Variants in HAPLN1 observed in about 807,000 individuals in gnomAD.
The protein encoded by HAPLN1 is Cartilage link protein.
HAPLN1 carries 13 observed loss-of-function variants against 36.5 expected under a neutral mutation model. That is an observed-to-expected ratio of 0.36 (90% CI 0.23 to 0.57). HAPLN1 has a LOEUF of 0.57. Ranked by LOEUF, HAPLN1 falls within the 20% of genes least tolerant of loss-of-function variation. HAPLN1 has a pLI of 0.83. For missense variants in HAPLN1, 407 were observed against 439.7 expected (o/e 0.93, Z 0.66); for synonymous variants, 202 against 169.8 (o/e 1.19, Z -1.48).
At chr5:83,720,686 A>C (rs1045190979) in intron 1 of HAPLN1, 103 bp downstream of exon 1, 1 of 152,238 alleles carries the variant, frequency 6.6e-6, no homozygotes, top group Non-Finnish European at 1.5e-5. Flanking sequence ...GAAAAGAATA[A>C]AATTTGTTTA....
chr5:83,655,447 C>T (rs973455641), intron 2 of HAPLN1, among the ~76,000 whole-genome samples: 2 of 151,718 alleles, frequency 1.3e-5, no homozygotes, highest in African/African-American at 2.4e-5. Flanking sequence ...ATCCACTGAC[C>T]CTCACCCAAA....
rs1329595437 is a variant in HAPLN1 at position 83,639,651 on chromosome 5, T to C, written c.*1845A>G. 2.0e-5 allele frequency: 3 copies of C among 152,100 alleles called. No individual in the cohort carries two copies. The highest frequency in any genetic ancestry group is 4.4e-5 in the Non-Finnish European group (3 of 67,938). The allele number at this position is 152,100 out of a possible 1,614,324, so 9.4% of individuals were successfully genotyped here. A position where few individuals can be genotyped will look rare whatever the true frequency, so the allele number is the denominator to read the frequency against. On this transcript the variant is annotated 3_prime_UTR_variant, in exon 5 of 5. Coordinates refer to ENST00000274341, the MANE Select transcript of HAPLN1 (RefSeq NM_001884.4). ...TCCTAGACCATTTAGGTATCTTCCT[T>C]AATTTAGAAGTGCAAGTTCTATTTA...
chr5:83,678,904 C>T (rs1386748894), intron 1 of HAPLN1, among the ~76,000 whole-genome samples: 1 of 152,150 alleles, frequency 6.6e-6, no homozygotes, highest in Non-Finnish European at 1.5e-5. Flanking sequence ...AATTTCTTAA[C>T]ATGGCTTCTC....
At chr5:83,698,279 G>A (rs755965875) in intron 1 of HAPLN1, among the ~76,000 whole-genome samples, 1 of 150,738 alleles carries the variant, frequency 6.6e-6, no homozygotes, top group African/African-American at 2.4e-5. Context: ...TCTGCTGCCA[G>A]ACATACTGGA....
rs145604970 is a variant in HAPLN1, at chr5:83,707,975, C to T, written c.-27+12814G>A. Among the ~76,000 whole-genome samples the T allele has an allele frequency of 4.7e-3, 715 of 152,364 alleles. 2 individuals are homozygous for T. Among genetic ancestry groups the T allele is most frequent in the African/African-American group, 0.016 (670 of 41,590 alleles). ...CATATGTTATAAAAGCTCAATATCA[C>T]TGGTCATTACAGAAATGCAAATCAA... On this transcript the variant is annotated intron_variant, in intron 1 of 4. Coordinates refer to ENST00000274341, the MANE Select transcript of HAPLN1 (RefSeq NM_001884.4).
At chr5:83,657,816 A>C (rs186604625) in intron 2 of HAPLN1, among the ~76,000 whole-genome samples, 31 of 152,160 alleles carry the variant, frequency 2.0e-4, no homozygotes, top group African/African-American at 1.9e-4. Context: ...AAAAAAAAAA[A>C]AAACCCAACT....
chr5:83,661,280 T>C (rs1238878775), intron 2 of HAPLN1, among the ~76,000 whole-genome samples: 1 of 152,026 alleles, frequency 6.6e-6, no homozygotes, highest in East Asian at 1.9e-4. Flanking sequence ...ATCTATAGTA[T>C]TCAATTCCTG....
chr5:83,705,035 A>G (rs1227353271), intron 1 of HAPLN1, among the ~76,000 whole-genome samples: 2 of 152,234 alleles, frequency 1.3e-5, no homozygotes, highest in Non-Finnish European at 2.9e-5. Flanking sequence ...ATGCAAAAGA[A>G]GCAAAATCAT....
chr5:83,707,179 T>C (rs2085451), intron 1 of HAPLN1, among the ~76,000 whole-genome samples: 2 of 151,952 alleles, frequency 1.3e-5, no homozygotes, highest in South Asian at 4.1e-4. Context: ...TATAGATTCA[T>C]TGCTATTCCT....
rs1749688831 is a variant in HAPLN1, at chr5:83,641,404, T to C, written c.*92A>G. 1.7e-6 allele frequency: 2 copies of C among 1,190,860 alleles called. No individual in the cohort carries two copies. The highest frequency in any genetic ancestry group is 2.3e-6 in the Non-Finnish European group (2 of 854,448). The allele number at this position is 1,190,860 out of a possible 1,614,324, so 73.8% of individuals were successfully genotyped here. A position where few individuals can be genotyped will look rare whatever the true frequency, so the allele number is the denominator to read the frequency against. On this transcript the variant is annotated 3_prime_UTR_variant, in exon 5 of 5. Coordinates refer to ENST00000274341, the MANE Select transcript of HAPLN1 (RefSeq NM_001884.4). ...AGTAAGTAAAAAAGGGTTATCACAG[T>C]TTTGGTAACTTGCATGAGTTCATAT...
chr5:83,679,795 A>G (rs529586165), intron 1 of HAPLN1, among the ~76,000 whole-genome samples: 12 of 152,218 alleles, frequency 7.9e-5, no homozygotes, highest in Non-Finnish European at 1.8e-4. Context: ...TGTGTGACCC[A>G]TGAAGAAGTG....
chr5:83,711,433 T>G (rs561623623), intron 1 of HAPLN1, among the ~76,000 whole-genome samples: 312 of 152,194 alleles, frequency 2.1e-3, no homozygotes, highest in Non-Finnish European at 3.4e-3. Flanking sequence ...AGATTCATCA[T>G]GAAAAAAGAT....
At chr5:83,689,083 A>G (rs1244512878) in intron 1 of HAPLN1, among the ~76,000 whole-genome samples, 4 of 152,192 alleles carry the variant, frequency 2.6e-5, no homozygotes, top group Admixed American at 6.6e-5. Flanking sequence ...CAATAGGTGC[A>G]TAGTCTACCT....
At chr5:83,700,322 G>A (rs576830185) in intron 1 of HAPLN1, among the ~76,000 whole-genome samples, 1 of 151,882 alleles carries the variant, frequency 6.6e-6, no homozygotes, top group Admixed American at 6.5e-5. Flanking sequence ...TCCAATTATT[G>A]CCAATGTGTC....
intron 1 of HAPLN1, among the ~76,000 whole-genome samples, chr5:83,683,699 G>C (rs1337056706): frequency 1.3e-5 from 2 of 152,136 alleles, no homozygotes; most frequent in Non-Finnish European, 2.9e-5. Context: ...TCTTCAAAAA[G>C]GAACTGCTAT....
intron 1 of HAPLN1, among the ~76,000 whole-genome samples, chr5:83,713,035 C>T (rs1346365745): frequency 3.9e-5 from 6 of 152,070 alleles, no homozygotes; most frequent in African/African-American, 9.7e-5. Flanking sequence ...GTGGCAAACT[C>T]ATTTATATGG....
chr5:83,693,477 G>C (rs1751324867), intron 1 of HAPLN1, among the ~76,000 whole-genome samples: 2 of 151,792 alleles, frequency 1.3e-5, no homozygotes, highest in Admixed American at 1.3e-4. Flanking sequence ...AGTGGATTCA[G>C]AGCCAAGCAT....
At chr5:83,705,978 T>C (rs1454746322) in intron 1 of HAPLN1, among the ~76,000 whole-genome samples, 1 of 151,462 alleles carries the variant, frequency 6.6e-6, no homozygotes, top group Non-Finnish European at 1.5e-5. Flanking sequence ...CTAGAAAACC[T>C]AGAAAAGATG....
intron 2 of HAPLN1, among the ~76,000 whole-genome samples, chr5:83,653,089 C>G (rs1750119654): frequency 6.6e-6 from 1 of 152,088 alleles, no homozygotes; most frequent in African/African-American, 2.4e-5. Flanking sequence ...CCATAGTCAT[C>G]TGAAGGTCAA....
Sources: allele counts gnomAD v4.1 joint callset (sites outside exome capture counted in the v4.1 genomes callset), GRCh38; gene constraint gnomAD v4.1.1; transcripts MANE v1.5; gene names NCBI Gene and HGNC (gene_info 2026-07-23, HGNC 2026-07-21).